Variants in ZER1 observed in about 807,000 individuals in gnomAD.
ZER1 encodes zyg-11 related cell cycle regulator.
Under a neutral mutation model 78.8 loss-of-function variants are expected in ZER1, and 11 were observed. That is an observed-to-expected ratio of 0.14 (90% CI 0.09 to 0.23). The LOEUF is 0.23. Ranked by LOEUF, ZER1 falls within the 10% of genes least tolerant of loss-of-function variation. ZER1 has a pLI of 1.00. For missense variants in ZER1, 588 were observed against 996.9 expected, an observed-to-expected ratio of 0.59 and a Z score of 5.52; for synonymous variants, 400 against 407.0, an observed-to-expected ratio of 0.98 and a Z score of 0.21.
chr9:128,743,024 A>G (rs1863356045), intron 8 of ZER1, among the ~76,000 whole-genome samples: 1 of 152,060 alleles, frequency 6.6e-6, no homozygotes, highest in Admixed American at 6.6e-5. Flanking sequence ...CACTGTCAGC[A>G]CCCCGAAGTC....
Position 128,754,559 on chromosome 9 carries a change from T to C in ZER1, c.159-600A>G, listed in dbSNP as rs4836625. 0.39 allele frequency among the ~76,000 whole-genome samples: 59,092 copies of C among 152,052 alleles called. 14,127 individuals are homozygous for C. Among genetic ancestry groups the C allele is most frequent in the Non-Finnish European group, 0.52 (35,584 of 67,954 alleles). ...GTGGATATAACTATGGCCTGCAAAGTGTCCAACCTAAAGCCTGACCCACGG... is the reference window on the plus strand; with the variant it reads ...GTGGATATAACTATGGCCTGCAAAGCGTCCAACCTAAAGCCTGACCCACGG... On this transcript the variant is annotated intron_variant, in intron 2 of 15. Transcript: ENST00000291900. The surrounding 1 kb of genome is among the most constrained non-coding windows in gnomAD (Gnocchi z 4.3).
At position 128,740,208 on chromosome 9, in the gene ZER1, C is replaced by G; in HGVS notation, c.1854-89G>C. 5 of 1,283,622 alleles carry G rather than the reference C, an allele frequency of 3.9e-6. No homozygotes were observed. The highest frequency in any genetic ancestry group is 5.4e-6 in the Non-Finnish European group (5 of 931,948). 79.5% of individuals were successfully genotyped at this position (1,283,622 alleles called of 1,614,324 possible). A position where few individuals can be genotyped will look rare whatever the true frequency, so the allele number is the denominator to read the frequency against. The stretch of plus-strand genomic sequence containing the variant: ...CAGGACCCCAACTTAAAACCAGAAG[C>G]AAGAGGTGCTACTTATTTCTTTATC... On this transcript the variant is annotated intron_variant, in intron 12 of 15. Transcript: ENST00000291900. The surrounding 1 kb of genome is among the most constrained non-coding windows in gnomAD (Gnocchi z 4.4).
chr9:128,749,424 A>G (rs1194542625), intron 8 of ZER1, among the ~76,000 whole-genome samples: 2 of 152,176 alleles, frequency 1.3e-5, no homozygotes, highest in East Asian at 3.8e-4. Flanking sequence ...TGCCTCCCTC[A>G]AACCATGTTA....
In ZER1 at chr9:128,752,653, C is replaced by T; in HGVS notation, c.923+20G>A. On this transcript the variant is annotated intron_variant, in intron 5 of 15. Transcript: ENST00000291900. ...TGTTGAATGACACCCTACCAGTAGC[C>T]ATGGAGGCTGGGGCCCCACCTGGTC... The T allele has an allele frequency of 6.2e-7, 1 of 1,602,122 alleles. No homozygotes were observed. The highest frequency in any genetic ancestry group is 8.5e-7 in the Non-Finnish European group (1 of 1,174,302).
At chr9:128,738,809 G>A (rs935633617) in intron 13 of ZER1, among the ~76,000 whole-genome samples, 9 of 149,234 alleles carry the variant, frequency 6.0e-5, no homozygotes, top group Non-Finnish European at 1.0e-4. Context: ...AGCCTCCCCA[G>A]TAGGTGGGAC....
In ZER1 at chr9:128,741,657, G is replaced by A. The variant is rs758780515; in HGVS notation, c.1618-3C>T. 1 of 1,614,184 alleles carries A rather than the reference G, an allele frequency of 6.2e-7. No individual in the cohort carries two copies. The highest frequency in any genetic ancestry group is 8.5e-7 in the Non-Finnish European group (1 of 1,180,034). On this transcript the variant is annotated splice_region_variant and splice_polypyrimidine_tract_variant and intron_variant, in intron 10 of 15. Coordinates refer to ENST00000291900, the MANE Select transcript of ZER1 (RefSeq NM_006336.4). ...GAGAACTCCATGACCTGGTCACACT[G>A]TGAGGGCAGGGCAGGGCTCAGCCAA...
chr9:128,761,012 G>A (rs1159145861), intron 1 of ZER1, among the ~76,000 whole-genome samples: 3 of 151,450 alleles, frequency 2.0e-5, no homozygotes, highest in Non-Finnish European at 4.4e-5. Flanking sequence ...CAAAAAATTA[G>A]CTGGGCGTGG....
At chr9:128,765,209 A>T (rs1457356570) in intron 1 of ZER1, among the ~76,000 whole-genome samples, 2 of 117,668 alleles carry the variant, frequency 1.7e-5, no homozygotes, top group Non-Finnish European at 3.4e-5. Context: ...ATCCATGCAC[A>T]TGTACACACA....
At chr9:128,733,362 G>A (rs549481929) in intron 15 of ZER1, 64 bp downstream of exon 15, 209 of 1,438,302 alleles carry the variant, frequency 1.5e-4, no homozygotes, top group East Asian at 2.4e-4. Context: ...TCCAGAGGGC[G>A]CCCGCTATGC....
intron 11 of ZER1, 83 bp downstream of exon 11, chr9:128,741,452 A>AT: frequency 1.3e-6 from 2 of 1,597,064 alleles, no homozygotes; most frequent in Non-Finnish European, 1.7e-6. Flanking sequence ...GGTGCTGCGG[A>AT]TTTGGTTGGT....
In ZER1 at chr9:128,744,338, C is replaced by T. The variant is rs118011614; in HGVS notation, c.1360-1593G>A. Among the ~76,000 whole-genome samples, 1,078 of 151,694 alleles carry T rather than the reference C, an allele frequency of 7.1e-3. 17 individuals carry two copies. The highest frequency in any genetic ancestry group is 0.02 in the African/African-American group (843 of 41,286). ...TCCCAAGTAGCTGGGATTATAGGTG[C>T]GTGCTACCATGCCCAGCTAATTTTT... is the stretch of plus-strand genomic sequence containing the variant. On this transcript the variant is annotated intron_variant, in intron 8 of 15. Coordinates refer to ENST00000291900, the MANE Select transcript of ZER1 (RefSeq NM_006336.4).
Position 128,755,286 on chromosome 9 carries a change from C to T in ZER1, c.158+122G>A. On this transcript the variant is annotated intron_variant, in intron 2 of 15. Transcript: ENST00000291900. This position sits in a 1 kb window ranked among gnomAD's most constrained non-coding sequence, Gnocchi z 5.6. ...GCAGCCATGAACATCCATGTGCACA[C>T]ACACACACCCTCACACATTCATCTC... The T allele has an allele frequency of 7.2e-7, 1 of 1,390,800 alleles. No homozygotes were observed. Among genetic ancestry groups the T allele is most frequent in the South Asian group, 1.3e-5 (1 of 77,552 alleles). 86.2% of individuals were successfully genotyped at this position (1,390,800 alleles called of 1,614,324 possible). A position where few individuals can be genotyped will look rare whatever the true frequency, so the allele number is the denominator to read the frequency against.
At chr9:128,763,393 C>T (rs954186131) in intron 1 of ZER1, among the ~76,000 whole-genome samples, 1 of 152,196 alleles carries the variant, frequency 6.6e-6, no homozygotes, top group Non-Finnish European at 1.5e-5. Flanking sequence ...GATGATTCAG[C>T]ATCCTTGATG....
chr9:128,759,620 CT>C (rs1365584449), intron 1 of ZER1, among the ~76,000 whole-genome samples: 3 of 151,794 alleles, frequency 2.0e-5, no homozygotes, highest in Non-Finnish European at 4.4e-5. Context: ...ACAGTAAAAC[CT>C]TGTCTCTACT....
chr9:128,746,932 GC>G (rs930459036), intron 8 of ZER1, among the ~76,000 whole-genome samples: 5 of 152,162 alleles, frequency 3.3e-5, no homozygotes, highest in African/African-American at 1.2e-4. Flanking sequence ...CACTGCGCCG[GC>G]CTAAAAAAAT....
At chr9:128,742,446 T>A in intron 9 of ZER1, 84 bp downstream of exon 9, 1 of 1,522,602 alleles carries the variant, frequency 6.6e-7, no homozygotes, top group Non-Finnish European at 9.0e-7. Context: ...CCCCAGGCCC[T>A]GCTCTGAGAC....
At chr9:128,731,454 C>G (rs1316206587) in intron 15 of ZER1, 60 bp from the exon 16 acceptor site, 2 of 1,342,918 alleles carry the variant, frequency 1.5e-6, no homozygotes, top group Non-Finnish European at 2.1e-6. Flanking sequence ...GAGCCCAGCC[C>G]CTCCGAGATC....
At chr9:128,771,220 G>C (rs1372435942) in intron 1 of ZER1, among the ~76,000 whole-genome samples, 2 of 152,170 alleles carry the variant, frequency 1.3e-5, no homozygotes, top group Admixed American at 6.6e-5. Flanking sequence ...TATACTTTGT[G>C]TCATCCCTTT....
intron 14 of ZER1, among the ~76,000 whole-genome samples, chr9:128,734,170 T>TAAAA (rs201959972): frequency 1.5e-4 from 10 of 65,404 alleles, no homozygotes; most frequent in African/African-American, 3.8e-4. Context: ...TATAAAATCT[T>TAAAA]AAAAAAAATA....
Sources: gnomAD v4.1 joint callset for allele counts (sites outside exome capture counted in the v4.1 genomes callset) on GRCh38, gnomAD v4.1.1 for gene constraint, Gnocchi (gnomAD v3.1) non-coding constraint, MANE v1.5 for transcripts, NCBI Gene and HGNC (gene_info 2026-07-23, HGNC 2026-07-21) for gene names.